Variants in NCBP1 observed in about 807,000 individuals in gnomAD.
NCBP1 encodes the protein nuclear cap-binding protein subunit 1.
In NCBP1, 16 loss-of-function variants were observed where a neutral mutation model predicts 111.7. The ratio of observed to expected loss-of-function variants is 0.14; its 90% confidence interval spans 0.10 to 0.22. NCBP1 has a LOEUF of 0.22. Among genes scored for constraint, NCBP1 ranks in the 10% least tolerant of loss-of-function variants. The pLI is 1.00. For synonymous variants in NCBP1, 304 were observed against 314.3 expected (o/e 0.97, Z 0.35); for missense variants, 607 against 957.5 (o/e 0.63, Z 4.83).
rs1827303780 is a variant in NCBP1, at chr9:97,645,280, T to G, written c.489+56T>G. Reference sequence around the variant, plus strand: ...GGGTTCTTGAGGGGTTACTGAATCCTGGTACTTCCATATAGTACCAGGAAT... The same window carrying G: ...GGGTTCTTGAGGGGTTACTGAATCCGGGTACTTCCATATAGTACCAGGAAT... On this transcript the variant is annotated intron_variant, in intron 5 of 22. Transcript: ENST00000375147. The G allele has an allele frequency of 3.0e-6, 4 of 1,340,974 alleles. No individual in the cohort carries two copies. The South Asian group carries it at 4.8e-5, about 16-fold the overall frequency. 83.1% of individuals were successfully genotyped at this position (1,340,974 alleles called of 1,614,324 possible). A position where few individuals can be genotyped will look rare whatever the true frequency, so the allele number is the denominator to read the frequency against.
rs994714469 is a variant in NCBP1, at chr9:97,655,077, A to T, written c.1235+133A>T. On this transcript the variant is annotated intron_variant, in intron 12 of 22. Coordinates refer to ENST00000375147, the MANE Select transcript of NCBP1 (RefSeq NM_002486.5). ...TCTTGCCTCCCAAAATAACCTTTGT[A>T]TAATAACCAGACTCATACTTAATGT... The T allele has an allele frequency of 6.2e-6, 4 of 649,016 alleles. No individual in the cohort carries two copies. In the Admixed American group the frequency reaches 1.4e-4, roughly 23 times the overall value. 40.2% of individuals were successfully genotyped at this position (649,016 alleles called of 1,614,324 possible).
At chr9:97,666,629 A>G in intron 19 of NCBP1, 134 bp from the exon 20 acceptor site, 1 of 570,566 alleles carries the variant, frequency 1.8e-6, no homozygotes, top group Non-Finnish European at 3.0e-6. Context: ...GTATTGCTGG[A>G]GAAAGATGAC....
At chr9:97,636,641 T>C (rs1257255175) in intron 1 of NCBP1, among the ~76,000 whole-genome samples, 3 of 42,886 alleles carry the variant, frequency 7.0e-5, no homozygotes, top group East Asian at 7.2e-4. Flanking sequence ...GTAATACATA[T>C]ATATATATAT....
intron 8 of NCBP1, among the ~76,000 whole-genome samples, chr9:97,648,646 A>T (rs920074108): frequency 3.3e-5 from 5 of 152,242 alleles, no homozygotes; most frequent in Admixed American, 1.3e-4. Flanking sequence ...AATTATTCAC[A>T]TGTAAAATGC....
chr9:97,662,018 G>C, intron 16 of NCBP1, 24 bp from the exon 17 acceptor site: 1 of 1,565,024 alleles, frequency 6.4e-7, no homozygotes, highest in Non-Finnish European at 8.8e-7. Flanking sequence ...ACATTTTTCT[G>C]TTTTACTATA....
At chr9:97,662,167 G>A (rs1191957379) in intron 17 of NCBP1, 23 bp downstream of exon 17, 1 of 1,573,798 alleles carries the variant, frequency 6.4e-7, no homozygotes, top group Non-Finnish European at 8.7e-7. Context: ...ACAGAGCCTT[G>A]CTTGAGAGTT....
At chr9:97,640,942 G>A in intron 2 of NCBP1, 60 bp downstream of exon 2, 2 of 1,295,742 alleles carry the variant, frequency 1.5e-6, no homozygotes, top group Non-Finnish European at 2.1e-6. Flanking sequence ...ACTGTGCTTT[G>A]ATTAATTTTT....
In NCBP1 at chr9:97,671,415, TTA is replaced by T. The variant is rs879451452; in HGVS notation, c.*222_*223del. 70 of 478,698 alleles carry T rather than the reference TTA, an allele frequency of 1.5e-4. No individual in the cohort carries two copies. Among genetic ancestry groups the T allele is most frequent in the Non-Finnish European group, 1.2e-4 (33 of 267,544 alleles). 29.7% of individuals were successfully genotyped at this position (478,698 alleles called of 1,614,324 possible). On this transcript the variant is annotated 3_prime_UTR_variant, in exon 23 of 23. Coordinates refer to ENST00000375147, the MANE Select transcript of NCBP1 (RefSeq NM_002486.5). ...GTAATGTGACTATGACCATGATATA[TTA>T]TATATGTGACAGATACAAATTCTCT...
chr9:97,657,327 T>C (rs80060261), intron 14 of NCBP1, among the ~76,000 whole-genome samples: 3,550 of 152,296 alleles, frequency 0.023, 151 homozygotes, highest in African/African-American at 0.081. Flanking sequence ...TCAGATTCCT[T>C]CAGTCTTGAA....
rs554774867 is a variant in NCBP1 at position 97,653,599 on chromosome 9, TAG to T, written c.1060-193_1060-192del. On this transcript the variant is annotated intron_variant, in intron 10 of 22. Transcript: ENST00000375147. Reference sequence around the variant, plus strand: ...CGTGTGTTTTTATTTGATCGAATTATAGAGAGAAGAAATTTTCATTACAGTTT... The same window carrying T: ...CGTGTGTTTTTATTTGATCGAATTATAGAGAAGAAATTTTCATTACAGTTT... Among the ~76,000 whole-genome samples the T allele has an allele frequency of 1.2e-4, 19 of 152,354 alleles. No homozygotes were observed. In the East Asian group the frequency reaches 2.9e-3, roughly 23 times the overall value.
chr9:97,637,845 T>C (rs1587993930), intron 1 of NCBP1, among the ~76,000 whole-genome samples: 1 of 152,240 alleles, frequency 6.6e-6, no homozygotes, highest in African/African-American at 2.4e-5. Context: ...AGATGTACAG[T>C]GTACCCGTAT....
At chr9:97,646,445 G>GT (rs1452501331) in intron 6 of NCBP1, among the ~76,000 whole-genome samples, 1 of 152,076 alleles carries the variant, frequency 6.6e-6, no homozygotes, top group African/African-American at 2.4e-5. Flanking sequence ...TGATTTTGTT[G>GT]TTAAGTTTCA....
At chr9:97,652,756 T>G (rs1359012666) in intron 10 of NCBP1, among the ~76,000 whole-genome samples, 2 of 152,240 alleles carry the variant, frequency 1.3e-5, no homozygotes, top group African/African-American at 4.8e-5. Flanking sequence ...TGGTGCCTTT[T>G]TAAAAAAAGT....
intron 1 of NCBP1, among the ~76,000 whole-genome samples, chr9:97,638,839 T>C (rs1827124161): frequency 6.6e-6 from 1 of 152,146 alleles, no homozygotes; most frequent in South Asian, 2.1e-4. Flanking sequence ...GTCTCCAAGG[T>C]TTGCCAGATG....
intron 22 of NCBP1, 145 bp from the exon 23 acceptor site, chr9:97,670,941 G>A: frequency 2.1e-6 from 1 of 484,418 alleles, no homozygotes; most frequent in Non-Finnish European, 3.7e-6. Context: ...GGGATTTTCA[G>A]GGGTCCATTG....
rs568077623 is a variant in NCBP1 at position 97,669,167 on chromosome 9, G to C, written c.2145+193G>C. ...CCATGTATGTCTGAGTTTCTCTGCT[G>C]TTTACTTAGTATTCTCGCATGAGCA... On this transcript the variant is annotated intron_variant, in intron 21 of 22. Transcript: ENST00000375147. Among the ~76,000 whole-genome samples, 4 of 151,810 alleles carry C rather than the reference G, an allele frequency of 2.6e-5. No homozygotes were observed. The South Asian group carries it at 8.3e-4, about 32-fold the overall frequency.
chr9:97,667,451 C>T (rs1276384689), intron 20 of NCBP1, among the ~76,000 whole-genome samples: 1 of 152,076 alleles, frequency 6.6e-6, no homozygotes, highest in African/African-American at 2.4e-5. Flanking sequence ...CTATAGGAAC[C>T]TTTCGCAAGT....
intron 16 of NCBP1, 73 bp from the exon 17 acceptor site, chr9:97,661,969 T>G: frequency 2.0e-6 from 2 of 1,018,164 alleles, no homozygotes; most frequent in Non-Finnish European, 3.0e-6. Flanking sequence ...AACCATCTAT[T>G]TAGCATTTGA....
chr9:97,648,034 T>C lies in NCBP1; in HGVS notation c.708T>C (p.Ile236=). 1 of 1,613,948 alleles carries C rather than the reference T, an allele frequency of 6.2e-7. No individual in the cohort carries two copies. Among genetic ancestry groups the C allele is most frequent in the South Asian group, 1.1e-5 (1 of 91,042 alleles). Residue 236 remains isoleucine, a synonymous_variant, in exon 8 of 23, where the codon ATT becomes ATC. Transcript: ENST00000375147. ...ATTTAGATTGCCTGTGGGCCCAGAT[T>C]CAGAAATTGAAAAAGGATCGCTGGC... is the stretch of plus-strand genomic sequence containing the variant. ...EEYLDCLWAQ[I]QKLKKDRWQE... is the part of the protein sequence containing the mutation.
Sources: allele counts gnomAD v4.1 joint callset (sites outside exome capture counted in the v4.1 genomes callset), GRCh38; gene constraint gnomAD v4.1.1; transcripts MANE v1.5; gene names NCBI Gene and HGNC (gene_info 2026-07-23, HGNC 2026-07-21).